The following PPP6R2 variants were observed in gnomAD, a reference collection of about 807,000 sequenced individuals.
PPP6R2 encodes the protein serine/threonine-protein phosphatase 6 regulatory subunit 2.
Under a neutral mutation model 100.2 loss-of-function variants are expected in PPP6R2, and 62 were observed. The observed-to-expected ratio is 0.62, with a 90% CI of 0.50 to 0.76. The LOEUF is 0.76. PPP6R2 is among the 30% of genes least tolerant of loss of function. The probability of loss-of-function intolerance (pLI) is 0.00; values close to 1 mark genes in which losing one functional copy is unlikely to be tolerated. For synonymous variants in PPP6R2, 525 were observed against 514.7 expected (o/e 1.02, Z -0.27); for missense variants, 1,142 against 1,276.3 (o/e 0.89, Z 1.60).
chr22:50,392,064 T>G (rs1222971121), intron 2 of PPP6R2: 1 of 152,028 alleles, frequency 6.6e-6, no homozygotes, highest in Non-Finnish European at 1.5e-5. Flanking sequence ...GTATCTGATA[T>G]GTGTGTGGAG....
Position 50,437,583 on chromosome 22 carries a change from C to T in PPP6R2, c.1761C>T (p.Ala587=), listed in dbSNP as rs766134888. ...TTGGCTTCAATGATGAGGAGTTTGC[C>T]GACCAGGACGACAACATCAAGTGAG... ...DQFGFNDEEF[A]DQDDNINAPF... is the part of the protein sequence containing the mutation. The change falls in exon 16 of 24, where the codon GCC becomes GCT. Residue 587 remains alanine, a synonymous_variant. Transcript: ENST00000612753. The T allele has an allele frequency of 5.0e-6, 8 of 1,588,352 alleles. No individual in the cohort carries two copies. The highest frequency in any genetic ancestry group is 1.3e-5 in the African/African-American group (1 of 74,178).
At chr22:50,331,319 T>C in the PPP6R2 span, among the ~76,000 whole-genome samples, 3 of 152,154 alleles carry the variant, frequency 2.0e-5, no homozygotes, top group South Asian at 2.1e-4. Context: ...GGCATAGATA[T>C]GTAGGAGTGA....
At chr22:50,354,306 A>G (rs186995007) in intron 1 of PPP6R2, among the ~76,000 whole-genome samples, 1 of 151,962 alleles carries the variant, frequency 6.6e-6, no homozygotes, top group Non-Finnish European at 1.5e-5. Context: ...CTTTGTCTCA[A>G]AATAAATAAA....
chr22:50,393,067 G>A (rs926007600), intron 2 of PPP6R2, among the ~76,000 whole-genome samples: 24 of 152,166 alleles, frequency 1.6e-4, no homozygotes, highest in African/African-American at 5.3e-4. Flanking sequence ...AAACTTTGTT[G>A]CTAACCAGCC....
upstream of PPP6R2, among the ~76,000 whole-genome samples, chr22:50,338,957 GGT>G (rs2042336002): frequency 8.9e-6 from 1 of 112,526 alleles, no homozygotes. Context: ...GGGTGTGGTG[GGT>G]GTGTAGGGTG....
upstream of PPP6R2, among the ~76,000 whole-genome samples, chr22:50,341,706 G>C (rs1569221518): frequency 1.3e-5 from 2 of 152,102 alleles, no homozygotes; most frequent in Non-Finnish European, 1.5e-5. Flanking sequence ...GAGAGGAGGA[G>C]AGGGCTGGCC....
chr22:50,396,494 CAAAAAA>C (rs548563660), intron 3 of PPP6R2, among the ~76,000 whole-genome samples: 5 of 97,172 alleles, frequency 5.1e-5, no homozygotes, highest in Non-Finnish European at 1.0e-4. Flanking sequence ...GACTCCGTCT[CAAAAAA>C]AAAAAAAAAA....
intron 1 of PPP6R2, among the ~76,000 whole-genome samples, chr22:50,359,011 CT>C (rs1321387738): frequency 8.6e-6 from 1 of 115,792 alleles, no homozygotes; most frequent in Non-Finnish European, 1.7e-5. Flanking sequence ...CCCCCCAACT[CT>C]TTTTTTGAGA....
chr22:50,365,868 T>C (rs1470965693), intron 1 of PPP6R2, among the ~76,000 whole-genome samples: 1 of 152,050 alleles, frequency 6.6e-6, no homozygotes, highest in Non-Finnish European at 1.5e-5. Flanking sequence ...GCTGGGATTA[T>C]AGACATGAGC....
chr22:50,372,963 A>G (rs909061526), intron 2 of PPP6R2, among the ~76,000 whole-genome samples: 6 of 152,108 alleles, frequency 3.9e-5, no homozygotes, highest in African/African-American at 1.4e-4. Flanking sequence ...CTGGGATAGC[A>G]GGCGTGAGCC....
At chr22:50,411,834 A>G (rs1484840655) in intron 4 of PPP6R2, among the ~76,000 whole-genome samples, 2 of 152,118 alleles carry the variant, frequency 1.3e-5, no homozygotes, top group Non-Finnish European at 2.9e-5. Flanking sequence ...TCACAAGGTC[A>G]GGAGATCGAG....
intron 3 of PPP6R2, among the ~76,000 whole-genome samples, chr22:50,406,181 A>T (rs557683552): frequency 7.4e-6 from 1 of 134,724 alleles, no homozygotes; most frequent in East Asian, 2.3e-4. Context: ...GCCTGGAGAG[A>T]GGTGAGAGGC....
chr22:50,427,963 G>A (rs559410255), intron 10 of PPP6R2, among the ~76,000 whole-genome samples: 4 of 152,114 alleles, frequency 2.6e-5, no homozygotes, highest in Admixed American at 6.6e-5. Flanking sequence ...CTCGTGATCC[G>A]CCCACCTTGG....
chr22:50,394,255 A>G, intron 3 of PPP6R2, 120 bp downstream of exon 3: 1 of 1,450,720 alleles, frequency 6.9e-7, no homozygotes, highest in Non-Finnish European at 9.3e-7. Flanking sequence ...GTAAAAATCC[A>G]CCCCATGTGA....
In PPP6R2 at chr22:50,437,791, G is replaced by A. The variant is rs376519797; in HGVS notation, c.1782-52G>A. 1,159 of 1,535,250 alleles carry A rather than the reference G, an allele frequency of 7.5e-4. 3 individuals are homozygous for A. The highest frequency in any genetic ancestry group is 8.9e-4 in the Non-Finnish European group (1,011 of 1,132,546). On this transcript the variant is annotated intron_variant, in intron 16 of 23. Transcript: ENST00000612753. ...CCGGGGGAGGAGCACTGAGGCCCCA[G>A]ATGAGCAGTGGGCCTGGAGGAACGC...
chr22:50,438,590 C>T lies in PPP6R2; in HGVS notation c.1965-9C>T, dbSNP rs1569494527. On this transcript the variant is annotated splice_polypyrimidine_tract_variant and intron_variant, in intron 18 of 23. Coordinates refer to ENST00000612753, the MANE Select transcript of PPP6R2 (RefSeq NM_001242898.2). Reference sequence around the variant, plus strand: ...GGCCACCAGACATCTGACTCTGAATCTCCCCCAGGTTTGGAGCCCCCCATG... The same window carrying T: ...GGCCACCAGACATCTGACTCTGAATTTCCCCCAGGTTTGGAGCCCCCCATG... 2 of 1,613,310 alleles carry T rather than the reference C, an allele frequency of 1.2e-6. No individual in the cohort carries two copies. Among genetic ancestry groups the T allele is most frequent in the South Asian group, 2.2e-5 (2 of 91,002 alleles).
In PPP6R2 at chr22:50,419,346, C is replaced by G; in HGVS notation, c.732-3C>G. ...GGCAGTGACCTCTGTGTGTGTCCAG[C>G]AGGCAGGACTGTGTGGAGCAGCTTC... is the stretch of plus-strand genomic sequence containing the variant. On this transcript the variant is annotated splice_region_variant and splice_polypyrimidine_tract_variant and intron_variant, in intron 7 of 23. Transcript: ENST00000612753. 1 of 1,613,308 alleles carries G rather than the reference C, an allele frequency of 6.2e-7. No individual in the cohort carries two copies.
upstream of PPP6R2, among the ~76,000 whole-genome samples, chr22:50,341,281 T>C (rs529415259): frequency 3.8e-4 from 57 of 151,980 alleles, no homozygotes; most frequent in South Asian, 0.011. Context: ...TCATAGCTCA[T>C]TGAAGCCTCA....
At chr22:50,413,032 C>T (rs368435134) in intron 4 of PPP6R2, among the ~76,000 whole-genome samples, 2 of 149,246 alleles carry the variant, frequency 1.3e-5, no homozygotes, top group East Asian at 2.0e-4. Flanking sequence ...GCGATCTTGG[C>T]TTACCGCAAT....
Sources: gnomAD v4.1 joint callset for allele counts (sites outside exome capture counted in the v4.1 genomes callset) on GRCh38, gnomAD v4.1.1 for gene constraint, MANE v1.5 for transcripts, NCBI Gene and HGNC (gene_info 2026-07-23, HGNC 2026-07-21) for gene names.